The following ARL14EP variants were observed in gnomAD, a reference collection of about 807,000 sequenced individuals.
The protein encoded by ARL14EP is ARF like GTPase 14 effector protein, also known as ARL14 effector protein.
In ARL14EP, 12 loss-of-function variants were observed where a neutral mutation model predicts 23.1. The ratio of observed to expected loss-of-function variants is 0.52; its 90% CI spans 0.33 to 0.84. The LOEUF is 0.84. ARL14EP is among the 40% of genes least tolerant of loss of function. The pLI is 0.02. For synonymous variants in ARL14EP, 97 were observed against 102.0 expected, an observed-to-expected ratio of 0.95 and a Z score of 0.29; for missense variants, 253 against 307.3, an observed-to-expected ratio of 0.82 and a Z score of 1.32.
At chr11:30,330,199 C>T (rs1248557181) in intron 1 of ARL14EP, 2 of 152,092 alleles carry the variant, frequency 1.3e-5, no homozygotes, top group Non-Finnish European at 2.9e-5. Context: ...TTATACTATA[C>T]CAATACCATA....
intron 1 of ARL14EP, among the ~76,000 whole-genome samples, chr11:30,325,708 A>G (rs1947230941): frequency 6.6e-6 from 1 of 152,166 alleles, no homozygotes; most frequent in African/African-American, 2.4e-5. Flanking sequence ...AGATTATTAA[A>G]ATAGGAACTG....
At chr11:30,330,076 C>T (rs1283209709) in intron 1 of ARL14EP, 1 of 151,924 alleles carries the variant, frequency 6.6e-6, no homozygotes, top group African/African-American at 2.4e-5. Flanking sequence ...CAGAAGAGAT[C>T]TAATTGTTTT....
intron 3 of ARL14EP, among the ~76,000 whole-genome samples, chr11:30,336,333 G>A (rs931186145): frequency 2.0e-5 from 3 of 149,590 alleles, no homozygotes; most frequent in African/African-American, 5.0e-5. Context: ...TTCAAGAAGC[G>A]TATTCAGAAT....
At chr11:30,324,708 C>T (rs1185728815) in intron 1 of ARL14EP, among the ~76,000 whole-genome samples, 1 of 152,220 alleles carries the variant, frequency 6.6e-6, no homozygotes, top group East Asian at 1.9e-4. Context: ...CTTAAGAACT[C>T]TTTAAAACTA....
At chr11:30,332,622 C>T (rs1322535036) in intron 2 of ARL14EP, among the ~76,000 whole-genome samples, 1 of 152,092 alleles carries the variant, frequency 6.6e-6, no homozygotes, top group African/African-American at 2.4e-5. Context: ...CTCCTCTGCT[C>T]CTAATATACC....
At chr11:30,324,625 G>A (rs920128207) in intron 1 of ARL14EP, among the ~76,000 whole-genome samples, 12 of 152,066 alleles carry the variant, frequency 7.9e-5, no homozygotes, top group Admixed American at 3.9e-4. Flanking sequence ...TCATGGCCGC[G>A]TGTGAGTTTT....
Position 30,337,001 on chromosome 11 carries a change from C to CT in ARL14EP, c.*207dup, listed in dbSNP as rs1365683518. ...TTTCAGTAGTCAGCGTTAAGCCTGT[C>CT]TGGATCAATATAAACAAGTAGGGTG... On this transcript the variant is annotated 3_prime_UTR_variant, in exon 4 of 4. Transcript: ENST00000282032. 1 of 582,944 alleles carries CT rather than the reference C, an allele frequency of 1.7e-6. No individual in the cohort carries two copies. Among genetic ancestry groups the CT allele is most frequent in the Admixed American group, 2.9e-5 (1 of 34,668 alleles). 36.1% of individuals were successfully genotyped at this position (582,944 alleles called of 1,614,324 possible). A position where few individuals can be genotyped will look rare whatever the true frequency, so the allele number is the denominator to read the frequency against.
chr11:30,334,436 G>C (rs752129491), intron 3 of ARL14EP, among the ~76,000 whole-genome samples: 1 of 151,870 alleles, frequency 6.6e-6, no homozygotes, highest in African/African-American at 2.4e-5. Flanking sequence ...GGATGGTCTC[G>C]ATCTCCTGCC....
chr11:30,334,294 C>G (rs1022772089), intron 3 of ARL14EP, among the ~76,000 whole-genome samples: 5 of 147,438 alleles, frequency 3.4e-5, no homozygotes, highest in Non-Finnish European at 7.4e-5. Context: ...CAGCTCACTA[C>G]ACCCGCCACC....
intron 1 of ARL14EP, chr11:30,328,742 T>C (rs1947261208): frequency 6.6e-6 from 1 of 152,170 alleles, no homozygotes; most frequent in Non-Finnish European, 1.5e-5. Flanking sequence ...ATTGTTTTTC[T>C]CTGCAGAAAC....
In ARL14EP at chr11:30,332,824, G is replaced by C. The variant is rs373627092; in HGVS notation, c.427-42G>C. On this transcript the variant is annotated intron_variant, in intron 2 of 3. Coordinates refer to ENST00000282032, the MANE Select transcript of ARL14EP (RefSeq NM_152316.3). ...TAAATAAAATGTTAATCTGTTGTCT[G>C]TTGTCAAGATTTGAGTTGATAATTT... The C allele has an allele frequency of 1.1e-5, 17 of 1,605,372 alleles. No individual in the cohort carries two copies. The African/African-American group carries it at 2.1e-4, about 20-fold the overall frequency.
At position 30,323,119 on chromosome 11, in the gene ARL14EP, A is replaced by T. The variant is rs1006943502; in HGVS notation, c.-147A>T. The T allele has an allele frequency of 6.6e-6, 1 of 152,574 alleles. No homozygotes were observed. The highest frequency in any genetic ancestry group is 1.5e-5 in the Non-Finnish European group (1 of 68,364). The allele number at this position is 152,574 out of a possible 1,614,324, so 9.5% of individuals were successfully genotyped here. Reference sequence around the variant, plus strand: ...CCGTCCTCTCAGTGGTAGCGCGGGGACTGGCTGGGAAGCGGTCGGTCGAGT... The same window carrying T: ...CCGTCCTCTCAGTGGTAGCGCGGGGTCTGGCTGGGAAGCGGTCGGTCGAGT... On this transcript the variant is annotated 5_prime_UTR_variant, in exon 1 of 4. Transcript: ENST00000282032.
rs34318830 is a variant in ARL14EP at position 30,334,980 on chromosome 11, AC to A, written c.555-1586del. 7.8e-3 allele frequency among the ~76,000 whole-genome samples: 1,195 copies of A among 152,346 alleles called. 9 individuals carry two copies. Among genetic ancestry groups the A allele is most frequent in the Middle Eastern group, 0.017 (5 of 294 alleles). On this transcript the variant is annotated intron_variant, in intron 3 of 3. Coordinates refer to ENST00000282032, the MANE Select transcript of ARL14EP (RefSeq NM_152316.3). ...CTTTCAAGTCTGTTATTTAAGAAAT[AC>A]GTTTTGTGAGGCCAGAGCTGCCATA...
chr11:30,331,456 A>C, intron 2 of ARL14EP, 82 bp downstream of exon 2: 1 of 1,587,696 alleles, frequency 6.3e-7, no homozygotes, highest in Non-Finnish European at 8.6e-7. Flanking sequence ...TCATATTTAC[A>C]TTATTACTAA....
In ARL14EP at chr11:30,332,827, G is replaced by A. The variant is rs778486161; in HGVS notation, c.427-39G>A. The stretch of plus-strand genomic sequence containing the variant: ...ATAAAATGTTAATCTGTTGTCTGTT[G>A]TCAAGATTTGAGTTGATAATTTGTT... On this transcript the variant is annotated intron_variant, in intron 2 of 3. Coordinates refer to ENST00000282032, the MANE Select transcript of ARL14EP (RefSeq NM_152316.3). The A allele has an allele frequency of 3.1e-6, 5 of 1,606,922 alleles. No homozygotes were observed. The South Asian group carries it at 4.4e-5, about 14-fold the overall frequency.
chr11:30,336,320 C>T (rs1947331439), intron 3 of ARL14EP, among the ~76,000 whole-genome samples: 2 of 151,788 alleles, frequency 1.3e-5, no homozygotes, highest in Admixed American at 1.3e-4. Flanking sequence ...GAAAATTATG[C>T]ACTTCAAGAA....
Position 30,336,564 on chromosome 11 carries a change from C to T in ARL14EP, c.555-3C>T, listed in dbSNP as rs748656238. 6.2e-7 allele frequency: 1 copy of T among 1,606,080 alleles called. No homozygotes were observed. Among genetic ancestry groups the T allele is most frequent in the East Asian group, 2.2e-5 (1 of 44,810 alleles). On this transcript the variant is annotated splice_region_variant and splice_polypyrimidine_tract_variant and intron_variant, in intron 3 of 3. Coordinates refer to ENST00000282032, the MANE Select transcript of ARL14EP (RefSeq NM_152316.3). ...GTATAATTCATTGTGTTTTATTTTACAGACAAGTGATACCAGCAAAGAGTA... is the reference window on the plus strand; with the variant it reads ...GTATAATTCATTGTGTTTTATTTTATAGACAAGTGATACCAGCAAAGAGTA...
In ARL14EP at chr11:30,336,627, G is replaced by T. The variant is rs1335947518; in HGVS notation, c.615G>T (p.Gly205=). Reference sequence around the variant, plus strand: ...GCCAGGGTCTCCTGATTTTTAGTGGGATGGACCTCTGTGACTGCCTGGATG... The same window carrying T: ...GCCAGGGTCTCCTGATTTTTAGTGGTATGGACCTCTGTGACTGCCTGGATG... ...YDSQGLLIFS[G]MDLCDCLDED... The change falls in exon 4 of 4, where the codon GGG becomes GGT. Residue 205 remains glycine (G), a synonymous_variant. Coordinates refer to ENST00000282032, the MANE Select transcript of ARL14EP (RefSeq NM_152316.3). 1 of 1,614,066 alleles carries T rather than the reference G, an allele frequency of 6.2e-7. No homozygotes were observed. Among genetic ancestry groups the T allele is most frequent in the Admixed American group, 1.7e-5 (1 of 60,010 alleles).
At position 30,328,463 on chromosome 11, in the gene ARL14EP, A is replaced by G. The variant is rs1318231313; in HGVS notation, c.-63-2423A>G. The G allele has an allele frequency of 2.0e-5, 3 of 152,182 alleles. No individual in the cohort carries two copies. In the East Asian group the frequency reaches 5.8e-4, roughly 29 times the overall value. 9.4% of individuals were successfully genotyped at this position (152,182 alleles called of 1,614,324 possible). A position where few individuals can be genotyped will look rare whatever the true frequency, so the allele number is the denominator to read the frequency against. On this transcript the variant is annotated intron_variant, in intron 1 of 3. Coordinates refer to ENST00000282032, the MANE Select transcript of ARL14EP (RefSeq NM_152316.3). ...AAACTTTTCTAATTATTACTGTGAT[A>G]GAAGCCATTTTATCTGATTTGATTG... is the stretch of plus-strand genomic sequence containing the variant.
Sources: gnomAD v4.1 joint callset for allele counts (sites outside exome capture counted in the v4.1 genomes callset) on GRCh38, gnomAD v4.1.1 for gene constraint, MANE v1.5 for transcripts, NCBI Gene and HGNC (gene_info 2026-07-23, HGNC 2026-07-21) for gene names.